Variants in FHIT observed in about 807,000 individuals in gnomAD.
The protein encoded by FHIT is bis(5'-adenosyl)-triphosphatase.
In FHIT, 19 loss-of-function variants were observed where a neutral mutation model predicts 17.9. That is an observed-to-expected ratio of 1.06 (90% CI 0.74 to 1.56). FHIT has a LOEUF of 1.56. Among genes scored for constraint, FHIT ranks in the 40% most tolerant of loss-of-function variants. The probability of loss-of-function intolerance (pLI) is 0.00; values close to 1 mark genes in which losing one functional copy is unlikely to be tolerated. For synonymous variants in FHIT, 81 were observed against 69.7 expected, an observed-to-expected ratio of 1.16 and a Z score of -0.81; for missense variants, 248 against 189.2, an observed-to-expected ratio of 1.31 and a Z score of -1.82.
chr3:60,527,633 C>T (rs2035623173), intron 5 of FHIT, among the ~76,000 whole-genome samples: 1 of 152,086 alleles, frequency 6.6e-6, no homozygotes, highest in African/African-American at 2.4e-5. Context: ...TAAGGTTGGT[C>T]TTATTCTTAA....
intron 1 of FHIT, among the ~76,000 whole-genome samples, chr3:61,214,197 A>G (rs957628827): frequency 2.6e-5 from 4 of 152,222 alleles, no homozygotes; most frequent in Non-Finnish European, 4.4e-5. Flanking sequence ...AAAACCCTTC[A>G]AAAAATTAAT....
At chr3:61,017,950 G>A (rs963975132) in intron 3 of FHIT, among the ~76,000 whole-genome samples, 7 of 152,138 alleles carry the variant, frequency 4.6e-5, no homozygotes, top group Non-Finnish European at 7.4e-5. Context: ...AAGAAGATAC[G>A]AGAGGAGTCA....
At chr3:59,886,828 GACAGTTTTCTGATACTTGTTT>G (rs1401916836) in intron 8 of FHIT, among the ~76,000 whole-genome samples, 2 of 152,194 alleles carry the variant, frequency 1.3e-5, no homozygotes. Flanking sequence ...AGTCCAGTGA[GACAGTTTTCTGATACTTGTTT>G]ACAGGACAAG....
intron 4 of FHIT, among the ~76,000 whole-genome samples, chr3:60,674,972 A>C (rs971599444): frequency 6.6e-6 from 1 of 152,056 alleles, no homozygotes; most frequent in Non-Finnish European, 1.5e-5. Context: ...CAAAGTACAA[A>C]CTCTGCCTTA....
At chr3:60,832,766 C>T (rs1377344637) in intron 3 of FHIT, among the ~76,000 whole-genome samples, 1 of 151,226 alleles carries the variant, frequency 6.6e-6, no homozygotes, top group African/African-American at 2.4e-5. Flanking sequence ...GTCTCTTATT[C>T]ATTTTAAAAA....
At chr3:60,356,230 C>T (rs567179976) in intron 5 of FHIT, among the ~76,000 whole-genome samples, 175 of 152,224 alleles carry the variant, frequency 1.1e-3, no homozygotes, top group African/African-American at 4.1e-3. Context: ...CAAAAGTAAC[C>T]GAGCAGAGCC....
chr3:60,098,627 G>C (rs996634550), intron 5 of FHIT, among the ~76,000 whole-genome samples: 2 of 152,180 alleles, frequency 1.3e-5, no homozygotes, highest in Non-Finnish European at 2.9e-5. Flanking sequence ...CCCTTTGTCA[G>C]ATGAATAGAT....
intron 8 of FHIT, among the ~76,000 whole-genome samples, chr3:59,843,466 A>C (rs1701603268): frequency 1.3e-5 from 2 of 152,102 alleles, no homozygotes; most frequent in African/African-American, 4.8e-5. Context: ...GCATCGTTGG[A>C]ATTGTCACAG....
chr3:61,238,097 G>A (rs78083160), intron 1 of FHIT, among the ~76,000 whole-genome samples: 11,535 of 152,124 alleles, frequency 0.076, 1,115 homozygotes, highest in East Asian at 0.4. Flanking sequence ...ACCAACAATT[G>A]TCCCTGCCCT....
chr3:60,061,633 C>G, intron 5 of FHIT, among the ~76,000 whole-genome samples: 1 of 152,198 alleles, frequency 6.6e-6, no homozygotes, highest in Non-Finnish European at 1.5e-5. Context: ...TTTTCTTCCA[C>G]AAGTTTTACA....
intron 2 of FHIT, among the ~76,000 whole-genome samples, chr3:61,107,938 T>C (rs1355804191): frequency 6.6e-6 from 1 of 152,124 alleles, no homozygotes; most frequent in Non-Finnish European, 1.5e-5. Flanking sequence ...GGCACAAGGG[T>C]AGGCTATGGT....
At chr3:61,081,446 G>A (rs1320702432) in intron 2 of FHIT, among the ~76,000 whole-genome samples, 1 of 152,180 alleles carries the variant, frequency 6.6e-6, no homozygotes, top group Non-Finnish European at 1.5e-5. Flanking sequence ...TTCCCTCAAA[G>A]TGCCCAATCT....
At chr3:60,105,740 T>C (rs1414981011) in intron 5 of FHIT, among the ~76,000 whole-genome samples, 14 of 141,938 alleles carry the variant, frequency 9.9e-5, no homozygotes, top group African/African-American at 3.0e-4. Context: ...TCCAAATTTA[T>C]AAAAAGTGTG....
intron 8 of FHIT, among the ~76,000 whole-genome samples, chr3:59,755,732 T>C (rs936212978): frequency 9.2e-5 from 14 of 152,194 alleles, no homozygotes; most frequent in Admixed American, 7.9e-4. Flanking sequence ...ACCAAACGGC[T>C]GATTCTTAGT....
At chr3:61,068,552 AT>A (rs766190127) in intron 2 of FHIT, among the ~76,000 whole-genome samples, 18 of 152,236 alleles carry the variant, frequency 1.2e-4, no homozygotes, top group Middle Eastern at 3.4e-3. Flanking sequence ...ATTCAGGAGA[AT>A]CCCCCCATCT....
intron 5 of FHIT, among the ~76,000 whole-genome samples, chr3:60,480,160 G>A (rs1255363252): frequency 6.6e-6 from 1 of 152,122 alleles, no homozygotes; most frequent in East Asian, 1.9e-4. Context: ...AGGAGAGAAA[G>A]AGAGAGAAAA....
At chr3:60,230,844 G>A (rs1704460283) in intron 5 of FHIT, among the ~76,000 whole-genome samples, 1 of 152,164 alleles carries the variant, frequency 6.6e-6, no homozygotes, top group Non-Finnish European at 1.5e-5. Context: ...CTAAGTAGCT[G>A]GGATTACAGC....
At chr3:60,255,401 T>C (rs575468375) in intron 5 of FHIT, among the ~76,000 whole-genome samples, 1 of 152,206 alleles carries the variant, frequency 6.6e-6, no homozygotes, top group Non-Finnish European at 1.5e-5. Flanking sequence ...ACAGATGTCT[T>C]TAGGGGCCTG....
rs138130030 is a variant in FHIT at position 60,524,380 on chromosome 3, T to G, written c.103+12480A>C. Among the ~76,000 whole-genome samples the G allele has an allele frequency of 1.6e-3, 239 of 152,292 alleles. 1 individual carries two copies. The highest frequency in any genetic ancestry group is 5.6e-3 in the African/African-American group (231 of 41,562). ...AATCTAAATAGAGGTCTGAAGGAGT[T>G]GAGTGAACATAGCATATGTACATCT... On this transcript the variant is annotated intron_variant, in intron 5 of 9. Transcript: ENST00000492590.
Sources: allele counts gnomAD v4.1 joint callset (sites outside exome capture counted in the v4.1 genomes callset), GRCh38; gene constraint gnomAD v4.1.1; transcripts MANE v1.5; gene names NCBI Gene and HGNC (gene_info 2026-07-23, HGNC 2026-07-21).